Variants in ARHGAP15 observed in about 807,000 individuals in gnomAD.
ARHGAP15 encodes the protein rho GTPase-activating protein 15.
Under a neutral mutation model 63.7 loss-of-function variants are expected in ARHGAP15, and 51 were observed. The ratio of observed to expected loss-of-function variants is 0.80; its 90% CI spans 0.64 to 1.01. The LOEUF is 1.01. ARHGAP15 is among the 50% of genes least tolerant of loss of function. The probability of loss-of-function intolerance (pLI) is 0.00; values close to 1 mark genes in which losing one functional copy is unlikely to be tolerated. For missense variants in ARHGAP15, 560 were observed against 564.6 expected (o/e 0.99, Z 0.08); for synonymous variants, 191 against 193.8 (o/e 0.99, Z 0.12).
intron 12 of ARHGAP15, among the ~76,000 whole-genome samples, chr2:143,628,475 G>A (rs1472690144): frequency 6.6e-6 from 1 of 152,212 alleles, no homozygotes; most frequent in Non-Finnish European, 1.5e-5. Context: ...TAGAAAGAGA[G>A]AGAAGACAAA....
chr2:143,334,701 T>C (rs944716880), intron 6 of ARHGAP15, among the ~76,000 whole-genome samples: 2 of 152,180 alleles, frequency 1.3e-5, no homozygotes, highest in Admixed American at 1.3e-4. Context: ...CACTCAAATA[T>C]TTCATACTAA....
intron 13 of ARHGAP15, among the ~76,000 whole-genome samples, chr2:143,732,173 A>G (rs1250557899): frequency 1.3e-5 from 2 of 152,222 alleles, no homozygotes; most frequent in East Asian, 3.8e-4. Context: ...AGATGTGGTC[A>G]GTTAGCACAA....
chr2:143,547,685 CT>C (rs11296686), intron 10 of ARHGAP15, among the ~76,000 whole-genome samples: 69,982 of 142,696 alleles, frequency 0.49, 16,954 homozygotes, highest in African/African-American at 0.59. Context: ...GGAGGGATGA[CT>C]TTTTTTTTTT....
intron 11 of ARHGAP15, among the ~76,000 whole-genome samples, chr2:143,590,755 A>G (rs1697288824): frequency 6.6e-6 from 1 of 151,950 alleles, no homozygotes; most frequent in South Asian, 2.1e-4. Context: ...CACTAACAGC[A>G]TCTAGTATAT....
chr2:143,731,196 ATTTAC>A (rs1306742331), intron 13 of ARHGAP15, among the ~76,000 whole-genome samples: 2 of 152,144 alleles, frequency 1.3e-5, no homozygotes, highest in African/African-American at 4.8e-5. Context: ...TATAACCCAA[ATTTAC>A]TTTAAATTGT....
chr2:143,662,039 C>T (rs1365388123), intron 12 of ARHGAP15, among the ~76,000 whole-genome samples: 23 of 152,224 alleles, frequency 1.5e-4, no homozygotes, highest in Admixed American at 7.2e-4. Context: ...ACATAGCAGC[C>T]GGGAAGCTCC....
At chr2:143,658,764 G>C (rs1681591031) in intron 12 of ARHGAP15, among the ~76,000 whole-genome samples, 1 of 152,200 alleles carries the variant, frequency 6.6e-6, no homozygotes, top group Non-Finnish European at 1.5e-5. Flanking sequence ...GTAAGAGATA[G>C]AGGAGGGCAT....
chr2:143,510,328 T>G (rs1180824742), intron 9 of ARHGAP15, among the ~76,000 whole-genome samples: 6 of 152,064 alleles, frequency 3.9e-5, no homozygotes, highest in Admixed American at 1.3e-4. Context: ...CTGTATTTTC[T>G]CTCCCCACCC....
At chr2:143,213,505 C>T (rs554670186) in intron 3 of ARHGAP15, among the ~76,000 whole-genome samples, 3 of 151,942 alleles carry the variant, frequency 2.0e-5, no homozygotes, top group Non-Finnish European at 4.4e-5. Context: ...AAAAGCAAAA[C>T]TCCGTCTCAA....
At chr2:143,609,379 CTAAG>C (rs1241954057) in intron 11 of ARHGAP15, among the ~76,000 whole-genome samples, 47 of 152,132 alleles carry the variant, frequency 3.1e-4, no homozygotes, top group South Asian at 2.1e-4. Flanking sequence ...AGTAGGCACT[CTAAG>C]TAGGAATTTC....
intron 8 of ARHGAP15, among the ~76,000 whole-genome samples, chr2:143,468,620 A>G (rs970647607): frequency 4.1e-5 from 6 of 147,206 alleles, no homozygotes; most frequent in African/African-American, 1.3e-4. Flanking sequence ...ATAGGTTGCT[A>G]TGGGTTTCTT....
chr2:143,729,993 T>C (rs995083131), intron 13 of ARHGAP15, among the ~76,000 whole-genome samples: 1 of 152,232 alleles, frequency 6.6e-6, no homozygotes, highest in Non-Finnish European at 1.5e-5. Context: ...AAGGTATTAA[T>C]AGAGGTCAGG....
intron 8 of ARHGAP15, among the ~76,000 whole-genome samples, chr2:143,485,070 GTTTAC>G (rs1004446610): frequency 1.2e-4 from 18 of 151,764 alleles, no homozygotes; most frequent in African/African-American, 3.9e-4. Flanking sequence ...ATTTTTTAAA[GTTTAC>G]TTTAATTTAA....
At chr2:143,383,173 GA>G (rs1212187206) in intron 6 of ARHGAP15, among the ~76,000 whole-genome samples, 1 of 152,002 alleles carries the variant, frequency 6.6e-6, no homozygotes, top group Admixed American at 6.6e-5. Flanking sequence ...CTAGGGATAG[GA>G]AAAAAACACA....
intron 2 of ARHGAP15, among the ~76,000 whole-genome samples, chr2:143,160,633 C>A (rs1350625172): frequency 6.6e-6 from 1 of 151,836 alleles, no homozygotes; most frequent in African/African-American, 2.4e-5. Flanking sequence ...GCATGAAATT[C>A]GAAGGTTTCC....
At chr2:143,147,994 C>A (rs1689657120) in intron 1 of ARHGAP15, among the ~76,000 whole-genome samples, 1 of 152,022 alleles carries the variant, frequency 6.6e-6, no homozygotes, top group African/African-American at 2.4e-5. Context: ...TAAACAAAAT[C>A]ATCAATTTCC....
intron 6 of ARHGAP15, among the ~76,000 whole-genome samples, chr2:143,323,009 A>AT (rs554936937): frequency 2.4e-4 from 36 of 152,352 alleles, no homozygotes; most frequent in Non-Finnish European, 4.3e-4. Flanking sequence ...AATAGTTAAA[A>AT]GCTTGTATCC....
intron 6 of ARHGAP15, among the ~76,000 whole-genome samples, chr2:143,359,294 C>G (rs962857843): frequency 1.3e-5 from 2 of 152,130 alleles, no homozygotes; most frequent in African/African-American, 4.8e-5. Flanking sequence ...CTTCCTTACT[C>G]CATCTTGCAA....
intron 6 of ARHGAP15, among the ~76,000 whole-genome samples, chr2:143,276,428 G>T (rs935750143): frequency 6.6e-6 from 1 of 152,202 alleles, no homozygotes; most frequent in East Asian, 1.9e-4. Flanking sequence ...AAACACAGAG[G>T]TGGGTTGCCT....
Sources: gnomAD v4.1 joint callset for allele counts (sites outside exome capture counted in the v4.1 genomes callset) on GRCh38, gnomAD v4.1.1 for gene constraint, MANE v1.5 for transcripts, NCBI Gene and HGNC (gene_info 2026-07-23, HGNC 2026-07-21) for gene names.